Variants in CPN1 observed in about 807,000 individuals in gnomAD.
CPN1 encodes carboxypeptidase N catalytic chain.
Under a neutral mutation model 46.4 loss-of-function variants are expected in CPN1, and 37 were observed. The observed-to-expected ratio is 0.80, with a 90% CI of 0.61 to 1.05. The LOEUF (loss-of-function observed/expected upper bound fraction) is 1.05. Ranked by LOEUF, CPN1 falls within the 50% of genes least tolerant of loss-of-function variation. The probability of loss-of-function intolerance (pLI) is 0.00; values close to 1 mark genes in which losing one functional copy is unlikely to be tolerated. For synonymous variants in CPN1, 224 were observed against 235.4 expected (o/e 0.95, Z 0.44); for missense variants, 563 against 602.6 (o/e 0.93, Z 0.69).
chr10:100,062,840 ATT>A (rs1182398216), intron 5 of CPN1, among the ~76,000 whole-genome samples: 35 of 150,362 alleles, frequency 2.3e-4, no homozygotes, highest in South Asian at 6.3e-4. Flanking sequence ...GCCTCAAGAG[ATT>A]CTCCCTTCTC....
chr10:100,063,786 T>C (rs4462272), intron 4 of CPN1, 61 bp from the exon 5 acceptor site: 440,368 of 1,258,504 alleles, frequency 0.35, 83,987 homozygotes, highest in Non-Finnish European at 0.4. Context: ...GCAATGCTCC[T>C]ACTCACAACT....
At chr10:100,069,617 T>G (rs1377009182) in intron 3 of CPN1, 97 bp downstream of exon 3, 2 of 1,413,644 alleles carry the variant, frequency 1.4e-6, no homozygotes, top group South Asian at 2.3e-5. Context: ...TGCTTAATTC[T>G]TGCTTGTTTA....
intron 2 of CPN1, among the ~76,000 whole-genome samples, chr10:100,073,863 C>G (rs2041499594): frequency 6.6e-6 from 1 of 152,156 alleles, no homozygotes. Context: ...GATCCTCCTA[C>G]TTCAGCCTCC....
intron 3 of CPN1, among the ~76,000 whole-genome samples, chr10:100,067,979 C>T (rs1047573229): frequency 1.3e-5 from 2 of 151,862 alleles, no homozygotes; most frequent in African/African-American, 2.4e-5. Flanking sequence ...TGGTAAAACC[C>T]TGTCTCTACT....
intron 3 of CPN1, among the ~76,000 whole-genome samples, chr10:100,067,235 G>A (rs187605579): frequency 6.6e-6 from 1 of 152,066 alleles, no homozygotes; most frequent in Non-Finnish European, 1.5e-5. Context: ...TCCTGCTTCA[G>A]CCTCCCAAGT....
Position 100,081,488 on chromosome 10 carries a change from C to G in CPN1, c.138G>C (p.Thr46=). 1 of 1,614,120 alleles carries G rather than the reference C, an allele frequency of 6.2e-7. No homozygotes were observed. The highest frequency in any genetic ancestry group is 8.5e-7 in the Non-Finnish European group (1 of 1,180,032). Residue 46 remains threonine (T), a synonymous_variant, in exon 1 of 9, where the codon ACG becomes ACC. Coordinates refer to ENST00000370418, the MANE Select transcript of CPN1 (RefSeq NM_001308.3). Reference sequence around the variant, plus strand: ...CGCTGCGCCCAATGCTGTAGACCCGCGTGATGCCGGGGCATTCGTTTTGCA... The same window carrying G: ...CGCTGCGCCCAATGCTGTAGACCCGGGTGATGCCGGGGCATTCGTTTTGCA... The part of the protein sequence containing the change: ...YKVQNECPGI[T]RVYSIGRSVE...
At chr10:100,069,048 C>T (rs1212763274) in intron 3 of CPN1, among the ~76,000 whole-genome samples, 2 of 152,194 alleles carry the variant, frequency 1.3e-5, no homozygotes, top group Non-Finnish European at 2.9e-5. Context: ...AGCTATAAAA[C>T]AGAGATGGAT....
chr10:100,061,001 A>G (rs1299699792), intron 5 of CPN1, among the ~76,000 whole-genome samples: 3 of 150,004 alleles, frequency 2.0e-5, no homozygotes, highest in Non-Finnish European at 4.4e-5. Flanking sequence ...CAGACTTTGC[A>G]TGTTCTTTCT....
At chr10:100,069,604 T>G (rs1241272517) in intron 3 of CPN1, 110 bp downstream of exon 3, 2 of 1,278,612 alleles carry the variant, frequency 1.6e-6, no homozygotes, top group Non-Finnish European at 2.3e-6. Context: ...TGAGTTGAGT[T>G]GATGCTTAAT....
intron 8 of CPN1, 75 bp from the exon 9 acceptor site, chr10:100,042,648 G>A (rs1221139768): frequency 6.3e-7 from 1 of 1,583,202 alleles, no homozygotes; most frequent in Non-Finnish European, 8.6e-7. Context: ...CTGAGGGCTG[G>A]GTACTAGGGA....
rs745329217 is a variant in CPN1, at chr10:100,069,845, C to G, written c.445G>C (p.Val149Leu). The G allele has an allele frequency of 6.2e-7, 1 of 1,613,772 alleles. No homozygotes were observed. Among genetic ancestry groups the G allele is most frequent in the East Asian group, 2.2e-5 (1 of 44,858 alleles). ...ACTCCATTTGCATTGTTCCTGCCAACTAGATACCCAGGCTTGTTTGGGCCC... is the reference window on the plus strand; with the variant it reads ...ACTCCATTTGCATTGTTCCTGCCAAGTAGATACCCAGGCTTGTTTGGGCCC... ...AQGPNKPGYL[V>L]GRNNANGVDL... Residue 149 changes from valine (V) to leucine (L), a missense_variant, in exon 3 of 9, where the codon GTT becomes CTT. Transcript: ENST00000370418.
intron 2 of CPN1, among the ~76,000 whole-genome samples, chr10:100,071,995 AG>A (rs2041488561): frequency 6.6e-6 from 1 of 152,114 alleles, no homozygotes; most frequent in Non-Finnish European, 1.5e-5. Flanking sequence ...GAAGGGTGGT[AG>A]GGGGAGATTC....
In CPN1 at chr10:100,042,454, C is replaced by T; in HGVS notation, c.1350G>A (p.Met450Ile). ...AGGCAGGGCCTCTCTGCAGCTGCCT[C>T]ATCTCCATTTCTTTCTTTCTGGCTT... ...QPQARKKEME[M>I]RQLQRGPA The change falls in exon 9 of 9, where the codon ATG (methionine) becomes ATA (isoleucine). Residue 450 changes from methionine to isoleucine, a missense_variant. Coordinates refer to ENST00000370418, the MANE Select transcript of CPN1 (RefSeq NM_001308.3). The T allele has an allele frequency of 1.2e-6, 2 of 1,613,680 alleles. No individual in the cohort carries two copies. The highest frequency in any genetic ancestry group is 1.1e-5 in the South Asian group (1 of 91,058).
At chr10:100,075,539 G>A (rs141143871) in intron 2 of CPN1, among the ~76,000 whole-genome samples, 1 of 152,326 alleles carries the variant, frequency 6.6e-6, no homozygotes, top group African/African-American at 2.4e-5. Flanking sequence ...AGGGTTTGAT[G>A]CTGAAAGTCC....
chr10:100,057,584 A>G (rs2862926), intron 5 of CPN1, among the ~76,000 whole-genome samples: 55,952 of 151,984 alleles, frequency 0.37, 10,620 homozygotes, highest in Admixed American at 0.45. Flanking sequence ...TGGGACCAGT[A>G]AGGGGGGAAA....
chr10:100,042,366 CTT>C lies in CPN1; in HGVS notation c.*59_*60del. Reference sequence around the variant, plus strand: ...CCCAGATAATAAAATAGAAAGAATGCTTGATCTGATCTGAGAGCAGGAGCAAA... The same window carrying C: ...CCCAGATAATAAAATAGAAAGAATGCGATCTGATCTGAGAGCAGGAGCAAA... On this transcript the variant is annotated 3_prime_UTR_variant, in exon 9 of 9. Transcript: ENST00000370418. 1 of 1,599,246 alleles carries C rather than the reference CTT, an allele frequency of 6.3e-7. No individual in the cohort carries two copies.
Position 100,044,133 on chromosome 10 carries a change from G to A in CPN1, c.1231-1560C>T, listed in dbSNP as rs375362146. ...TGTAGGGTTATTTCCTGCCCCTTCC[G>A]CAAAAATTGATAGCCAGTTTTTCTG... On this transcript the variant is annotated intron_variant, in intron 8 of 8. Transcript: ENST00000370418. Among the ~76,000 whole-genome samples the A allele has an allele frequency of 4.6e-5, 7 of 152,184 alleles. No homozygotes were observed. The South Asian group carries it at 6.2e-4, about 14-fold the overall frequency.
chr10:100,050,946 A>G (rs960144948), intron 7 of CPN1, among the ~76,000 whole-genome samples: 1 of 152,006 alleles, frequency 6.6e-6, no homozygotes, highest in Non-Finnish European at 1.5e-5. Flanking sequence ...TCTTATTTTT[A>G]ATATTTCTTC....
rs998735728 is a variant in CPN1 at position 100,042,655 on chromosome 10, G to C, written c.1231-82C>G. On this transcript the variant is annotated intron_variant, in intron 8 of 8. Transcript: ENST00000370418. ...TCCAGTTTCTGAGGGCTGGGTACTA[G>C]GGAAAATTATTATAGCAGTGACCCA... 4 of 1,568,432 alleles carry C rather than the reference G, an allele frequency of 2.6e-6. No individual in the cohort carries two copies. The East Asian group carries it at 9.0e-5, about 35-fold the overall frequency.
Sources: allele counts gnomAD v4.1 joint callset (sites outside exome capture counted in the v4.1 genomes callset), GRCh38; gene constraint gnomAD v4.1.1; transcripts MANE v1.5; gene names NCBI Gene and HGNC (gene_info 2026-07-23, HGNC 2026-07-21).